RBFOX1: variants seen among roughly 807,000 people sequenced by gnomAD.
The protein encoded by RBFOX1 is RNA binding protein fox-1 homolog 1.
Under a neutral mutation model 57.7 loss-of-function variants are expected in RBFOX1, and 8 were observed. That is an observed-to-expected ratio of 0.14 (90% CI 0.08 to 0.25). RBFOX1 has a LOEUF of 0.25. Ranked by LOEUF, RBFOX1 falls within the 10% of genes least tolerant of loss-of-function variation. The pLI is 1.00. For synonymous variants in RBFOX1, 326 were observed against 222.4 expected, an observed-to-expected ratio of 1.47 and a Z score of -4.15; for missense variants, 611 against 548.5, an observed-to-expected ratio of 1.11 and a Z score of -1.14.
At chr16:5,372,297 G>T (rs1263433683) in intron 1 of RBFOX1, among the ~76,000 whole-genome samples, 1 of 152,172 alleles carries the variant, frequency 6.6e-6, no homozygotes, top group Non-Finnish European at 1.5e-5. Context: ...CCGTCCACAT[G>T]GGTGAACTCA....
intron 1 of RBFOX1, among the ~76,000 whole-genome samples, chr16:6,163,590 G>A (rs532422560): frequency 4.6e-5 from 7 of 152,270 alleles, no homozygotes; most frequent in Non-Finnish European, 7.4e-5. Flanking sequence ...AATGTTGGGT[G>A]TTCTGTAAGC....
At chr16:6,109,654 A>G (rs987130216) in intron 1 of RBFOX1, among the ~76,000 whole-genome samples, 6 of 152,184 alleles carry the variant, frequency 3.9e-5, no homozygotes, top group Non-Finnish European at 7.3e-5. Flanking sequence ...TAGAATTTTT[A>G]TGCTTTAGAA....
intron 3 of RBFOX1, among the ~76,000 whole-genome samples, chr16:6,681,577 T>C (rs1204697550): frequency 6.6e-6 from 1 of 152,140 alleles, no homozygotes; most frequent in Non-Finnish European, 1.5e-5. Context: ...TAACAATTTG[T>C]TGTTAATTTG....
chr16:6,157,489 T>G (rs963755315), intron 1 of RBFOX1, among the ~76,000 whole-genome samples: 2 of 152,208 alleles, frequency 1.3e-5, no homozygotes, highest in Non-Finnish European at 2.9e-5. Flanking sequence ...TTTCTGTATT[T>G]TTATTTGCTA....
At chr16:6,283,476 AT>A (rs1354610882) in intron 1 of RBFOX1, among the ~76,000 whole-genome samples, 3 of 152,156 alleles carry the variant, frequency 2.0e-5, no homozygotes, top group Non-Finnish European at 2.9e-5. Context: ...AACATTAACA[AT>A]CAGAGGCCTG....
At chr16:5,647,636 G>C (rs1391483436) in intron 3 of RBFOX1, among the ~76,000 whole-genome samples, 1 of 152,064 alleles carries the variant, frequency 6.6e-6, no homozygotes, top group Non-Finnish European at 1.5e-5. Flanking sequence ...GAAAAGAGTA[G>C]ACCTCAGTAA....
intron 1 of RBFOX1, among the ~76,000 whole-genome samples, chr16:6,211,267 C>A (rs1453943633): frequency 9.1e-6 from 1 of 110,374 alleles, no homozygotes. Flanking sequence ...CTCGCTTTGT[C>A]GCCCAGGCTG....
At chr16:5,538,650 A>T (rs1173994568) in intron 2 of RBFOX1, among the ~76,000 whole-genome samples, 4 of 146,222 alleles carry the variant, frequency 2.7e-5, no homozygotes, top group Non-Finnish European at 6.0e-5. Context: ...TTTAAGACAG[A>T]GTCTTACCCT....
intron 3 of RBFOX1, among the ~76,000 whole-genome samples, chr16:5,649,602 C>T (rs1341779231): frequency 6.6e-6 from 1 of 152,194 alleles, no homozygotes; most frequent in African/African-American, 2.4e-5. Flanking sequence ...TCTCTCATTT[C>T]CCTTTCTTCC....
rs370592595 is a variant in RBFOX1, at chr16:6,779,584, C to G, written c.-16+124934C>G. 3.2e-4 allele frequency among the ~76,000 whole-genome samples: 47 copies of G among 148,756 alleles called. No homozygotes were observed. In the East Asian group the frequency reaches 6.1e-3, roughly 19 times the overall value. On this transcript the variant is annotated intron_variant, in intron 3 of 15. Transcript: ENST00000550418. ...GTGTTAGTTTTAGTTTTTTGAAGAACCTCCATACTATTCTCCAGAGTGGCT... is the reference window on the plus strand; with the variant it reads ...GTGTTAGTTTTAGTTTTTTGAAGAAGCTCCATACTATTCTCCAGAGTGGCT...
intron 1 of RBFOX1, among the ~76,000 whole-genome samples, chr16:6,117,435 C>A (rs188351901): frequency 1.3e-5 from 2 of 152,238 alleles, no homozygotes; most frequent in Admixed American, 6.5e-5. Flanking sequence ...TGAATGGTTC[C>A]GCTCCAAAAT....
chr16:7,505,415 T>G (rs1240752079), intron 4 of RBFOX1, among the ~76,000 whole-genome samples: 3 of 152,210 alleles, frequency 2.0e-5, no homozygotes, highest in African/African-American at 7.2e-5. Context: ...TCTTCCTAAG[T>G]GCTTGATGCC....
chr16:5,591,518 T>A (rs1247139103), intron 2 of RBFOX1, among the ~76,000 whole-genome samples: 3 of 152,190 alleles, frequency 2.0e-5, no homozygotes, highest in African/African-American at 7.2e-5. Context: ...CCCAAAGTGC[T>A]GGGATTACAG....
Position 6,265,340 on chromosome 16 carries a change from C to T in RBFOX1, c.-126-51655C>T, listed in dbSNP as rs536391580. On this transcript the variant is annotated intron_variant, in intron 1 of 15. Coordinates refer to ENST00000550418, the MANE Select transcript of RBFOX1 (RefSeq NM_018723.4). ...GCAGTGGTGCAGTCTCGGCTCACTA[C>T]AACCTCTGCCTCCCAAGTTCAAGTG... Among the ~76,000 whole-genome samples the T allele has an allele frequency of 9.2e-5, 14 of 152,210 alleles. 1 individual carries two copies. In the South Asian group the frequency reaches 2.9e-3, roughly 32 times the overall value.
At chr16:7,444,925 C>G (rs965909355) in intron 4 of RBFOX1, among the ~76,000 whole-genome samples, 2 of 152,112 alleles carry the variant, frequency 1.3e-5, no homozygotes, top group African/African-American at 4.8e-5. Flanking sequence ...ACCATGAATT[C>G]TAAGTCTCAA....
At chr16:5,657,539 G>A (rs2049468150) in intron 3 of RBFOX1, among the ~76,000 whole-genome samples, 1 of 152,058 alleles carries the variant, frequency 6.6e-6, no homozygotes, top group Non-Finnish European at 1.5e-5. Flanking sequence ...CTGTCATATA[G>A]AGGCACTCAC....
intron 5 of RBFOX1, among the ~76,000 whole-genome samples, chr16:7,572,666 T>C (rs972723955): frequency 4.6e-5 from 7 of 152,010 alleles, no homozygotes; most frequent in African/African-American, 1.2e-4. Context: ...GGTGAAACCC[T>C]GTCTCTACTA....
chr16:7,448,286 T>C (rs1341399918), intron 4 of RBFOX1, among the ~76,000 whole-genome samples: 2 of 152,184 alleles, frequency 1.3e-5, no homozygotes, highest in African/African-American at 4.8e-5. Context: ...TAAGGAAGGA[T>C]GTATTAGTTG....
chr16:7,469,331 G>A (rs902949746), intron 4 of RBFOX1, among the ~76,000 whole-genome samples: 6 of 152,038 alleles, frequency 3.9e-5, no homozygotes, highest in Non-Finnish European at 5.9e-5. Context: ...CAAAGTGCTG[G>A]GATTATAGGC....
Sources: allele counts gnomAD v4.1 joint callset (sites outside exome capture counted in the v4.1 genomes callset), GRCh38; gene constraint gnomAD v4.1.1; transcripts MANE v1.5; gene names NCBI Gene and HGNC (gene_info 2026-07-23, HGNC 2026-07-21).